The following AGBL4 variants were observed in gnomAD, a reference collection of about 807,000 sequenced individuals.
The protein encoded by AGBL4 is cytosolic carboxypeptidase 6.
Under a neutral mutation model 66.4 loss-of-function variants are expected in AGBL4, and 58 were observed. The ratio of observed to expected loss-of-function variants is 0.87; its 90% CI spans 0.71 to 1.09. AGBL4 has a LOEUF of 1.09. Ranked by LOEUF, AGBL4 falls within the 50% of genes least tolerant of loss-of-function variation. AGBL4 has a pLI of 0.00. For missense variants in AGBL4, 579 were observed against 631.0 expected (o/e 0.92, Z 0.88); for synonymous variants, 234 against 222.9 (o/e 1.05, Z -0.44).
At chr1:49,756,767 TGAA>T (rs538176008) in intron 2 of AGBL4, among the ~76,000 whole-genome samples, 1 of 152,350 alleles carries the variant, frequency 6.6e-6, no homozygotes, top group East Asian at 1.9e-4. Context: ...TGCCATCATG[TGAA>T]GAAGGATATG....
At chr1:49,530,923 A>G (rs1285109622) in intron 3 of AGBL4, among the ~76,000 whole-genome samples, 3 of 152,102 alleles carry the variant, frequency 2.0e-5, no homozygotes, top group Admixed American at 2.0e-4. Flanking sequence ...TGTCTTATCT[A>G]TAAAATAGGG....
In AGBL4 at chr1:48,684,162, A is replaced by G. The variant is rs545695256; in HGVS notation, c.635-20921T>C. Among the ~76,000 whole-genome samples the G allele has an allele frequency of 7.4e-4, 112 of 152,238 alleles. 1 individual carries two copies. The highest frequency in any genetic ancestry group is 2.7e-3 in the African/African-American group (111 of 41,542). On this transcript the variant is annotated intron_variant, in intron 6 of 13. Coordinates refer to ENST00000371839, the MANE Select transcript of AGBL4 (RefSeq NM_032785.4). ...GCTATCACTATGACTACAGTTAAAG[A>G]CTCATGGGTGTGTCTATTCTGTGCT...
At chr1:49,685,643 G>T (rs1017921337) in intron 3 of AGBL4, among the ~76,000 whole-genome samples, 2 of 152,146 alleles carry the variant, frequency 1.3e-5, no homozygotes, top group African/African-American at 2.4e-5. Context: ...GTGCATTTCT[G>T]TAATGATCAA....
At chr1:48,925,471 A>G (rs189542896) in intron 5 of AGBL4, among the ~76,000 whole-genome samples, 23 of 152,234 alleles carry the variant, frequency 1.5e-4, no homozygotes, top group Admixed American at 1.2e-3. Context: ...ATGTGGCCCA[A>G]CACAAATTTG....
chr1:48,692,846 T>C (rs1646654939), intron 6 of AGBL4, among the ~76,000 whole-genome samples: 1 of 152,188 alleles, frequency 6.6e-6, no homozygotes, highest in Non-Finnish European at 1.5e-5. Flanking sequence ...ATTATAATGC[T>C]CTCTGTAAGA....
chr1:49,015,785 T>C (rs1662775703), intron 5 of AGBL4, among the ~76,000 whole-genome samples: 1 of 152,126 alleles, frequency 6.6e-6, no homozygotes, highest in Non-Finnish European at 1.5e-5. Flanking sequence ...CATGTACCAC[T>C]TACATAATTT....
intron 3 of AGBL4, among the ~76,000 whole-genome samples, chr1:49,595,068 T>G (rs1458787711): frequency 2.0e-5 from 3 of 152,154 alleles, no homozygotes; most frequent in African/African-American, 4.8e-5. Flanking sequence ...CCATTCTGAT[T>G]GTCATGAGAT....
At chr1:48,899,636 C>T (rs1476348390) in intron 5 of AGBL4, among the ~76,000 whole-genome samples, 8 of 152,140 alleles carry the variant, frequency 5.3e-5, no homozygotes, top group African/African-American at 1.9e-4. Flanking sequence ...CTTTCCTGTT[C>T]TTCTTATGCA....
intron 3 of AGBL4, among the ~76,000 whole-genome samples, chr1:49,477,309 G>A (rs1020411640): frequency 1.1e-4 from 16 of 152,120 alleles, no homozygotes; most frequent in African/African-American, 2.7e-4. Flanking sequence ...CAGTCCTAGT[G>A]ATGGTGACTG....
chr1:48,914,410 T>C (rs549555986), intron 5 of AGBL4, among the ~76,000 whole-genome samples: 5 of 152,084 alleles, frequency 3.3e-5, no homozygotes, highest in African/African-American at 7.2e-5. Flanking sequence ...TGTAAAGGAT[T>C]GAGGAATTAG....
chr1:49,314,220 G>A (rs955710723), intron 3 of AGBL4, among the ~76,000 whole-genome samples: 3 of 151,974 alleles, frequency 2.0e-5, no homozygotes, highest in Non-Finnish European at 4.4e-5. Context: ...CTGTTCCATT[G>A]GTCTATGTAT....
At chr1:49,289,296 C>A (rs1644490027) in intron 3 of AGBL4, among the ~76,000 whole-genome samples, 1 of 152,104 alleles carries the variant, frequency 6.6e-6, no homozygotes, top group South Asian at 2.1e-4. Flanking sequence ...AAATGACATA[C>A]ATATGCTGGC....
Position 49,599,720 on chromosome 1 carries a change from G to T in AGBL4, c.282+97593C>A, listed in dbSNP as rs150319418. 5.5e-3 allele frequency among the ~76,000 whole-genome samples: 840 copies of T among 152,158 alleles called. 9 individuals are homozygous for T. Among genetic ancestry groups the T allele is most frequent in the Non-Finnish European group, 7.7e-3 (521 of 67,992 alleles). Reference sequence around the variant, plus strand: ...TTGTGATGTTAAGGTGTTTATTTTAGATCTTTCTCGCTTTCTCCTGTGGGC... The same window carrying T: ...TTGTGATGTTAAGGTGTTTATTTTATATCTTTCTCGCTTTCTCCTGTGGGC... On this transcript the variant is annotated intron_variant, in intron 3 of 13. Coordinates refer to ENST00000371839, the MANE Select transcript of AGBL4 (RefSeq NM_032785.4).
At chr1:49,278,509 A>G (rs547901561) in intron 3 of AGBL4, among the ~76,000 whole-genome samples, 2 of 152,318 alleles carry the variant, frequency 1.3e-5, no homozygotes, top group African/African-American at 4.8e-5. Flanking sequence ...AGATCAAGTC[A>G]TCAGGTACTG....
intron 3 of AGBL4, among the ~76,000 whole-genome samples, chr1:49,371,228 T>TATGG (rs1644334770): frequency 1.4e-5 from 2 of 146,978 alleles, no homozygotes; most frequent in Non-Finnish European, 3.0e-5. Flanking sequence ...TAGATAGATA[T>TATGG]ATAGATAGAT....
chr1:49,991,761 G>T (rs1557645050), intron 1 of AGBL4, among the ~76,000 whole-genome samples: 1 of 151,870 alleles, frequency 6.6e-6, no homozygotes, highest in East Asian at 1.9e-4. Flanking sequence ...TGACAACTTA[G>T]TTTTTTTTAA....
chr1:49,381,149 G>GA (rs1644597179), intron 3 of AGBL4, among the ~76,000 whole-genome samples: 1 of 151,712 alleles, frequency 6.6e-6, no homozygotes, highest in South Asian at 2.1e-4. Context: ...AAATTTACAA[G>GA]AAAAAAACAA....
intron 2 of AGBL4, among the ~76,000 whole-genome samples, chr1:49,764,468 T>C (rs146172239): frequency 2.3e-3 from 346 of 152,182 alleles, no homozygotes; most frequent in African/African-American, 7.9e-3. Context: ...CCAGTGAGCA[T>C]AGAACAAGGC....
intron 4 of AGBL4, among the ~76,000 whole-genome samples, chr1:49,215,591 A>G (rs1557736664): frequency 6.6e-6 from 1 of 151,836 alleles, no homozygotes. Flanking sequence ...CAGTTTCTGT[A>G]CTCTTTTTCA....
Sources: gnomAD v4.1 joint callset for allele counts (sites outside exome capture counted in the v4.1 genomes callset) on GRCh38, gnomAD v4.1.1 for gene constraint, MANE v1.5 for transcripts, NCBI Gene and HGNC (gene_info 2026-07-23, HGNC 2026-07-21) for gene names.